The following BNC2 variants were observed in gnomAD, a reference collection of about 807,000 sequenced individuals.
The protein encoded by BNC2 is zinc finger protein basonuclin-2.
A neutral mutation model predicts 76.3 loss-of-function variants in BNC2; 20 were observed. The ratio of observed to expected loss-of-function variants is 0.26; its 90% CI spans 0.18 to 0.38. The LOEUF is 0.38. Among genes scored for constraint, BNC2 ranks in the 10% least tolerant of loss-of-function variants. The pLI, the probability that BNC2 is intolerant of heterozygous loss-of-function variation, is 1.00. For missense variants in BNC2, 1,382 were observed against 1,399.8 expected (o/e 0.99, Z 0.20); for synonymous variants, 582 against 514.8 (o/e 1.13, Z -1.77).
chr9:16,858,093 C>A (rs556419606), intron 1 of BNC2, among the ~76,000 whole-genome samples: 6 of 152,272 alleles, frequency 3.9e-5, no homozygotes, highest in East Asian at 3.9e-4. Flanking sequence ...GGAGATCATA[C>A]AATAATTTTT....
intron 5 of BNC2, among the ~76,000 whole-genome samples, chr9:16,463,647 C>T (rs867049653): frequency 9.9e-5 from 15 of 152,154 alleles, no homozygotes; most frequent in African/African-American, 1.7e-4. Flanking sequence ...GCTATCTCAC[C>T]GCACTGACAA....
chr9:16,700,632 T>C (rs1823482515), intron 3 of BNC2, among the ~76,000 whole-genome samples: 2 of 151,970 alleles, frequency 1.3e-5, no homozygotes, highest in Non-Finnish European at 2.9e-5. Context: ...TGCGGTGGTA[T>C]TTACCCCACA....
intron 6 of BNC2, among the ~76,000 whole-genome samples, chr9:16,431,883 C>A (rs774776845): frequency 2.0e-5 from 3 of 152,156 alleles, no homozygotes; most frequent in African/African-American, 7.2e-5. Context: ...GAATCTAATG[C>A]CACCACTGAC....
intron 3 of BNC2, among the ~76,000 whole-genome samples, chr9:16,653,509 A>G (rs1821847029): frequency 6.6e-6 from 1 of 152,172 alleles, no homozygotes; most frequent in African/African-American, 2.4e-5. Context: ...AAAAAAGCAC[A>G]CACGCTCCCT....
chr9:16,704,446 C>T (rs1338203031), intron 3 of BNC2, among the ~76,000 whole-genome samples: 1 of 152,038 alleles, frequency 6.6e-6, no homozygotes, highest in East Asian at 1.9e-4. Flanking sequence ...AGATCCACAG[C>T]CCAAATGACT....
rs16934908 is a variant in BNC2, at chr9:16,689,869, A to G, written c.330+37928T>C. ...GACCATCAAGTGAAATAGATTTGAC[A>G]ATAAGCTCACCAGGAGTCCCTGTGA... On this transcript the variant is annotated intron_variant, in intron 3 of 6. Transcript: ENST00000380672. 8.8e-3 allele frequency among the ~76,000 whole-genome samples: 1,334 copies of G among 152,316 alleles called. 30 individuals carry two copies. Among genetic ancestry groups the G allele is most frequent in the African/African-American group, 0.03 (1,240 of 41,574 alleles).
intron 1 of BNC2, among the ~76,000 whole-genome samples, chr9:16,821,497 CT>C (rs1229439793): frequency 4.8e-5 from 7 of 146,476 alleles, no homozygotes; most frequent in African/African-American, 8.3e-5. Flanking sequence ...TGAAAATTAA[CT>C]TTCTTTTGTA....
intron 3 of BNC2, among the ~76,000 whole-genome samples, chr9:16,694,244 T>A (rs764688851): frequency 6.6e-6 from 1 of 152,204 alleles, no homozygotes. Flanking sequence ...TGAATTTGAA[T>A]GAAATAGGAT....
At chr9:16,591,984 T>C (rs531618633) in intron 3 of BNC2, among the ~76,000 whole-genome samples, 5 of 152,242 alleles carry the variant, frequency 3.3e-5, no homozygotes, top group African/African-American at 1.2e-4. Flanking sequence ...ATCTTATAAC[T>C]GAGACAGGAG....
chr9:16,713,452 T>A (rs1198334349), intron 3 of BNC2, among the ~76,000 whole-genome samples: 1 of 151,084 alleles, frequency 6.6e-6, no homozygotes, highest in Non-Finnish European at 1.5e-5. Flanking sequence ...GCACTTTTTT[T>A]TTTTTTTTTT....
intron 1 of BNC2, among the ~76,000 whole-genome samples, chr9:16,847,912 T>C (rs1184971386): frequency 2.0e-5 from 3 of 152,172 alleles, no homozygotes; most frequent in Non-Finnish European, 4.4e-5. Flanking sequence ...ACAGGTTACA[T>C]AAATACATAA....
At chr9:16,556,773 A>G (rs1818847912) in intron 4 of BNC2, among the ~76,000 whole-genome samples, 1 of 151,944 alleles carries the variant, frequency 6.6e-6, no homozygotes, top group Non-Finnish European at 1.5e-5. Flanking sequence ...ACTCAAAAAA[A>G]AAAAAAAATT....
intron 4 of BNC2, 35 bp from the exon 5 acceptor site, chr9:16,552,800 G>T: frequency 6.5e-7 from 1 of 1,533,876 alleles, no homozygotes; most frequent in Non-Finnish European, 9.0e-7. Context: ...AGAGATGGGG[G>T]TGTTGGGAAT....
intron 5 of BNC2, among the ~76,000 whole-genome samples, chr9:16,497,975 T>TGCG: frequency 1.2e-5 from 1 of 83,906 alleles, no homozygotes; most frequent in Non-Finnish European, 2.6e-5. Context: ...ATAAAGAAAC[T>TGCG]GTGGTGTGTG....
intron 1 of BNC2, among the ~76,000 whole-genome samples, chr9:16,802,189 G>A (rs1369140151): frequency 2.0e-5 from 3 of 152,178 alleles, no homozygotes; most frequent in African/African-American, 7.2e-5. Flanking sequence ...TATTAGCTGC[G>A]ACTTCAGCAA....
chr9:16,571,217 CTTT>C (rs954464179), intron 4 of BNC2, among the ~76,000 whole-genome samples: 31 of 152,160 alleles, frequency 2.0e-4, no homozygotes, highest in African/African-American at 6.5e-4. Context: ...TTCTTAATAG[CTTT>C]TTTTAATTAA....
At chr9:16,817,144 GC>G (rs1818204822) in intron 1 of BNC2, among the ~76,000 whole-genome samples, 1 of 152,192 alleles carries the variant, frequency 6.6e-6, no homozygotes, top group South Asian at 2.1e-4. Flanking sequence ...GACTTGAGTA[GC>G]TGGAAGGGAT....
chr9:16,418,988 A>G lies in BNC2; in HGVS notation c.*1T>C, dbSNP rs752355081. On this transcript the variant is annotated 3_prime_UTR_variant, in exon 7 of 7. Transcript: ENST00000380672. ...TGGCATTTGTAGTGTCCATTCTGAG[A>G]CTAATCTACTGAAGTGAAGGGAATG... The G allele has an allele frequency of 6.2e-7, 1 of 1,614,028 alleles. No homozygotes were observed. Among genetic ancestry groups the G allele is most frequent in the Non-Finnish European group, 8.5e-7 (1 of 1,180,004 alleles).
intron 2 of BNC2, among the ~76,000 whole-genome samples, chr9:16,734,005 T>C (rs1435531541): frequency 6.6e-6 from 1 of 152,354 alleles, no homozygotes; most frequent in East Asian, 1.9e-4. Context: ...AACAGCCAAG[T>C]GTTCCACAGC....
Sources: allele counts gnomAD v4.1 joint callset (sites outside exome capture counted in the v4.1 genomes callset), GRCh38; gene constraint gnomAD v4.1.1; transcripts MANE v1.5; gene names NCBI Gene and HGNC (gene_info 2026-07-23, HGNC 2026-07-21).